Variants in PLCB1 observed in about 807,000 individuals in gnomAD.
The protein encoded by PLCB1 is 1-phosphatidylinositol 4,5-bisphosphate phosphodiesterase beta-1.
In PLCB1, 46 loss-of-function variants were observed where a neutral mutation model predicts 161.8. The ratio of observed to expected loss-of-function variants is 0.28; its 90% CI spans 0.22 to 0.36. The LOEUF (loss-of-function observed/expected upper bound fraction) is 0.36. PLCB1 is among the 10% of genes least tolerant of loss of function. PLCB1 has a pLI of 1.00. For missense variants in PLCB1, 1,016 were observed against 1,472.5 expected, an observed-to-expected ratio of 0.69 and a Z score of 5.07; for synonymous variants, 517 against 503.7, an observed-to-expected ratio of 1.03 and a Z score of -0.35.
chr20:8,605,782 G>A (rs751109803), intron 3 of PLCB1, among the ~76,000 whole-genome samples: 3 of 151,686 alleles, frequency 2.0e-5, no homozygotes, highest in Non-Finnish European at 2.9e-5. Context: ...ATTTTTCAAC[G>A]TTCACTCTCC....
chr20:8,338,971 A>G (rs1443647649), intron 2 of PLCB1, among the ~76,000 whole-genome samples: 1 of 152,222 alleles, frequency 6.6e-6, no homozygotes, highest in East Asian at 1.9e-4. Flanking sequence ...GTGTTGTTCC[A>G]TGTTGCATTC....
At chr20:8,682,344 G>A (rs1990243176) in intron 9 of PLCB1, among the ~76,000 whole-genome samples, 2 of 151,862 alleles carry the variant, frequency 1.3e-5, no homozygotes, top group African/African-American at 2.4e-5. Context: ...TCTACACAGA[G>A]AAAAAAAATT....
At chr20:8,585,641 A>C (rs1337316469) in intron 3 of PLCB1, among the ~76,000 whole-genome samples, 1 of 152,060 alleles carries the variant, frequency 6.6e-6, no homozygotes, top group Non-Finnish European at 1.5e-5. Context: ...TCTTTTTCCA[A>C]GTCTGAGCTG....
At chr20:8,564,449 C>T in intron 3 of PLCB1, among the ~76,000 whole-genome samples, 1 of 152,044 alleles carries the variant, frequency 6.6e-6, no homozygotes, top group Admixed American at 6.5e-5. Context: ...GCTAAAACAC[C>T]AAAAGCAATG....
chr20:8,329,208 A>G (rs1411159937), intron 2 of PLCB1, among the ~76,000 whole-genome samples: 1 of 152,198 alleles, frequency 6.6e-6, no homozygotes, highest in African/African-American at 2.4e-5. Flanking sequence ...AGATTTTTTA[A>G]AGTCTTATTT....
chr20:8,770,932 A>G (rs1404018461), intron 26 of PLCB1, among the ~76,000 whole-genome samples: 1 of 152,106 alleles, frequency 6.6e-6, no homozygotes, highest in Non-Finnish European at 1.5e-5. Context: ...TTTTGTATTT[A>G]CTTGTAAGTC....
chr20:8,819,688 G>T (rs1211335573), intron 31 of PLCB1, among the ~76,000 whole-genome samples: 3 of 152,128 alleles, frequency 2.0e-5, no homozygotes, highest in African/African-American at 7.2e-5. Context: ...ACCTGCAGAT[G>T]CTGAGCACCT....
chr20:8,757,547 G>C (rs989363913), intron 24 of PLCB1, among the ~76,000 whole-genome samples: 23 of 152,120 alleles, frequency 1.5e-4, no homozygotes, highest in African/African-American at 5.3e-4. Context: ...TGTGCCAAGG[G>C]CTCCTTTCCC....
chr20:8,432,799 T>C (rs547373444), intron 3 of PLCB1, among the ~76,000 whole-genome samples: 1 of 152,308 alleles, frequency 6.6e-6, no homozygotes, highest in South Asian at 2.1e-4. Context: ...AGAGAGATTG[T>C]TGCTCATCCA....
chr20:8,588,725 C>T (rs886474848), intron 3 of PLCB1, among the ~76,000 whole-genome samples: 2 of 152,178 alleles, frequency 1.3e-5, no homozygotes, highest in African/African-American at 2.4e-5. Flanking sequence ...TTTTGACTTC[C>T]AGCCTCCAAA....
intron 9 of PLCB1, among the ~76,000 whole-genome samples, chr20:8,665,730 C>T (rs989282568): frequency 5.3e-5 from 8 of 152,270 alleles, no homozygotes; most frequent in South Asian, 2.1e-4. Flanking sequence ...AGCACCATTT[C>T]GCTTTACTAG....
intron 26 of PLCB1, among the ~76,000 whole-genome samples, chr20:8,768,093 C>A (rs1004367467): frequency 2.0e-5 from 3 of 151,994 alleles, no homozygotes; most frequent in African/African-American, 7.2e-5. Flanking sequence ...TTGCTTGAAC[C>A]AGGAGATGGA....
intron 3 of PLCB1, among the ~76,000 whole-genome samples, chr20:8,449,680 CACAGTGGTAAGAA>C: frequency 6.6e-6 from 1 of 152,186 alleles, no homozygotes. Context: ...CCACTCAATA[CACAGTGGTAAGAA>C]ACTCATTCCT....
rs554747913 is a variant in PLCB1 at position 8,855,743 on chromosome 20, C to G, written c.3424-25879C>G. The stretch of plus-strand genomic sequence containing the variant: ...AACCATAAACCATAAGGGGGGAAAA[C>G]TACCTTTAAAATGTATTTTCTTCAT... On this transcript the variant is annotated intron_variant, in intron 31 of 31. Coordinates refer to ENST00000338037, the MANE Select transcript of PLCB1 (RefSeq NM_015192.4). Among the ~76,000 whole-genome samples the G allele has an allele frequency of 4.6e-4, 70 of 152,232 alleles. No individual in the cohort carries two copies. In the South Asian group the frequency reaches 0.014, roughly 31 times the overall value.
intron 2 of PLCB1, among the ~76,000 whole-genome samples, chr20:8,265,314 G>C (rs1981902261): frequency 6.6e-6 from 1 of 152,108 alleles, no homozygotes; most frequent in African/African-American, 2.4e-5. Flanking sequence ...GAAAGCACTG[G>C]GATAGTTGTT....
intron 3 of PLCB1, among the ~76,000 whole-genome samples, chr20:8,380,206 A>G (rs982592557): frequency 9.9e-5 from 15 of 152,268 alleles, no homozygotes; most frequent in African/African-American, 3.6e-4. Context: ...TCCCAGCACC[A>G]TTTATTTAAT....
At chr20:8,213,675 A>ATGG (rs1262816275) in intron 2 of PLCB1, among the ~76,000 whole-genome samples, 10 of 151,944 alleles carry the variant, frequency 6.6e-5, no homozygotes, top group Admixed American at 2.6e-4. Context: ...AATAAGGGAA[A>ATGG]TGGTGGTGGT....
intron 21 of PLCB1, 95 bp downstream of exon 21, chr20:8,739,455 T>G (rs1208258284): frequency 1.3e-6 from 1 of 788,664 alleles, no homozygotes; most frequent in South Asian, 1.5e-5. Context: ...GAAACTATTT[T>G]CTGCTTTGTA....
At chr20:8,588,815 C>G (rs975425633) in intron 3 of PLCB1, among the ~76,000 whole-genome samples, 1 of 152,180 alleles carries the variant, frequency 6.6e-6, no homozygotes, top group African/African-American at 2.4e-5. Context: ...ACTCATGTAG[C>G]TGATTTCATG....
Sources: gnomAD v4.1 joint callset for allele counts (sites outside exome capture counted in the v4.1 genomes callset) on GRCh38, gnomAD v4.1.1 for gene constraint, MANE v1.5 for transcripts, NCBI Gene and HGNC (gene_info 2026-07-23, HGNC 2026-07-21) for gene names.